Variants in MYT1L observed in about 807,000 individuals in gnomAD.
MYT1L encodes myelin transcription factor 1 like, also known as myelin transcription factor 1-like protein.
In MYT1L, 12 loss-of-function variants were observed where a neutral mutation model predicts 126.7. The observed-to-expected ratio is 0.09, with a 90% CI of 0.06 to 0.15. The LOEUF (loss-of-function observed/expected upper bound fraction) is 0.15. Ranked by LOEUF, MYT1L falls within the 10% of genes least tolerant of loss-of-function variation. MYT1L has a pLI of 1.00. For synonymous variants in MYT1L, 541 were observed against 604.2 expected, an observed-to-expected ratio of 0.90 and a Z score of 1.53; for missense variants, 979 against 1,585.2, an observed-to-expected ratio of 0.62 and a Z score of 6.49.
chr2:2,041,233 T>C (rs1278973095), intron 4 of MYT1L, among the ~76,000 whole-genome samples: 1 of 152,244 alleles, frequency 6.6e-6, no homozygotes, highest in Non-Finnish European at 1.5e-5. Flanking sequence ...AATTGTACTA[T>C]TAATGAAAGC....
At chr2:1,808,962 C>T (rs1339628949) in intron 22 of MYT1L, 114 bp downstream of exon 22, 1 of 904,654 alleles carries the variant, frequency 1.1e-6, no homozygotes, top group Non-Finnish European at 1.8e-6. Context: ...ATTATCTCTG[C>T]CCCTGCTTTC....
chr2:1,863,984 G>T (rs1197501977), intron 18 of MYT1L, among the ~76,000 whole-genome samples: 1 of 151,922 alleles, frequency 6.6e-6, no homozygotes. Flanking sequence ...AGGACCGCTG[G>T]GGTCTGCTGA....
At chr2:2,253,618 G>A (rs1408740071) in intron 2 of MYT1L, among the ~76,000 whole-genome samples, 1 of 152,162 alleles carries the variant, frequency 6.6e-6, no homozygotes, top group Admixed American at 6.5e-5. Context: ...TGAGAGCTGA[G>A]AGGAGAAAAA....
At chr2:1,913,481 G>A (rs1464712563) in intron 11 of MYT1L, among the ~76,000 whole-genome samples, 1 of 152,070 alleles carries the variant, frequency 6.6e-6, no homozygotes, top group Non-Finnish European at 1.5e-5. Flanking sequence ...AAGAAGTGCT[G>A]CTCCTCCCTA....
At chr2:2,161,913 C>T (rs371173677) in intron 3 of MYT1L, among the ~76,000 whole-genome samples, 14 of 152,160 alleles carry the variant, frequency 9.2e-5, no homozygotes, top group East Asian at 7.7e-4. Context: ...GGGGTTCTAA[C>T]GGAAGTGGTC....
intron 3 of MYT1L, among the ~76,000 whole-genome samples, chr2:2,138,490 T>C (rs2083395875): frequency 6.9e-6 from 1 of 144,918 alleles, no homozygotes; most frequent in Non-Finnish European, 1.5e-5. Flanking sequence ...GTGGCACATA[T>C]ACACCATGGA....
At chr2:1,878,159 C>T (rs1224276923) in intron 18 of MYT1L, among the ~76,000 whole-genome samples, 1 of 152,214 alleles carries the variant, frequency 6.6e-6, no homozygotes, top group Non-Finnish European at 1.5e-5. Flanking sequence ...CTGAGTCTTT[C>T]CAGTAACTTC....
At chr2:1,880,210 TA>T (rs1337365444) in intron 18 of MYT1L, among the ~76,000 whole-genome samples, 2 of 152,114 alleles carry the variant, frequency 1.3e-5, no homozygotes, top group Non-Finnish European at 2.9e-5. Flanking sequence ...AAAGATAAAA[TA>T]AAATGTCAGT....
intron 5 of MYT1L, among the ~76,000 whole-genome samples, chr2:1,986,714 G>A (rs1003966123): frequency 6.6e-6 from 1 of 152,176 alleles, no homozygotes; most frequent in African/African-American, 2.4e-5. Flanking sequence ...TTGGGGAAGC[G>A]CTAGGGGCCA....
At chr2:2,053,325 C>T (rs1375920619) in intron 4 of MYT1L, among the ~76,000 whole-genome samples, 1 of 152,154 alleles carries the variant, frequency 6.6e-6, no homozygotes, top group Non-Finnish European at 1.5e-5. Flanking sequence ...GTTCTGAAGA[C>T]GGCAGGTGGT....
At chr2:2,219,331 T>G (rs2093785510) in intron 2 of MYT1L, among the ~76,000 whole-genome samples, 1 of 152,204 alleles carries the variant, frequency 6.6e-6, no homozygotes, top group Non-Finnish European at 1.5e-5. Flanking sequence ...ATTGGCTTTC[T>G]GCATAAGTTA....
rs12992274 is a variant in MYT1L at position 2,295,695 on chromosome 2, G to C, written c.-520-11192C>G. The stretch of plus-strand genomic sequence containing the variant: ...AGAGAGAGAGACAGACAGAGAGAGA[G>C]AGAGAGAGACAGACAGACAGAGAGA... On this transcript the variant is annotated intron_variant, in intron 1 of 24. Coordinates refer to ENST00000647738, the MANE Select transcript of MYT1L (RefSeq NM_001303052.2). Among the ~76,000 whole-genome samples, 151 of 143,482 alleles carry C rather than the reference G, an allele frequency of 1.1e-3. 2 individuals carry two copies. The highest frequency in any genetic ancestry group is 1.8e-3 in the Non-Finnish European group (113 of 64,516). 94.1% of individuals were successfully genotyped at this position (143,482 alleles called of 152,430 possible).
At chr2:2,181,039 C>T (rs866826115) in intron 2 of MYT1L, among the ~76,000 whole-genome samples, 2 of 143,316 alleles carry the variant, frequency 1.4e-5, no homozygotes, top group Admixed American at 7.0e-5. Flanking sequence ...CCTGCATGTG[C>T]CTGTGTGTGC....
At chr2:2,073,322 TAGA>T (rs988304853) in intron 3 of MYT1L, among the ~76,000 whole-genome samples, 5 of 150,668 alleles carry the variant, frequency 3.3e-5, no homozygotes, top group African/African-American at 9.8e-5. Flanking sequence ...TTTCTCTCAC[TAGA>T]AGAAGAAGGG....
intron 4 of MYT1L, among the ~76,000 whole-genome samples, chr2:2,008,057 T>C (rs1051299705): frequency 2.6e-5 from 4 of 152,156 alleles, no homozygotes; most frequent in Non-Finnish European, 4.4e-5. Context: ...CTCAGGTTTT[T>C]TGCATGTCTG....
chr2:1,918,809 T>C (rs1381081255), intron 10 of MYT1L, among the ~76,000 whole-genome samples: 1 of 152,230 alleles, frequency 6.6e-6, no homozygotes, highest in Non-Finnish European at 1.5e-5. Context: ...TCTAAAATTA[T>C]GTGGTTGTGG....
chr2:1,794,464 C>A (rs1468938185), intron 23 of MYT1L, among the ~76,000 whole-genome samples: 1 of 152,292 alleles, frequency 6.6e-6, no homozygotes, highest in East Asian at 1.9e-4. Context: ...ATTTGTTATT[C>A]CTGGGGCCTG....
intron 4 of MYT1L, among the ~76,000 whole-genome samples, chr2:1,999,668 T>C (rs2062182846): frequency 6.6e-6 from 1 of 152,184 alleles, no homozygotes; most frequent in African/African-American, 2.4e-5. Context: ...GAAAACGAGT[T>C]AATACATTGG....
At chr2:1,824,068 G>A (rs1272048432) in intron 21 of MYT1L, among the ~76,000 whole-genome samples, 1 of 152,174 alleles carries the variant, frequency 6.6e-6, no homozygotes, top group Non-Finnish European at 1.5e-5. Context: ...AACGTGCCAA[G>A]CCCTCTCCAT....
Sources: allele counts gnomAD v4.1 joint callset (sites outside exome capture counted in the v4.1 genomes callset), GRCh38; gene constraint gnomAD v4.1.1; transcripts MANE v1.5; gene names NCBI Gene and HGNC (gene_info 2026-07-23, HGNC 2026-07-21).